Variants in ZC4H2 observed in about 807,000 individuals in gnomAD.
The protein encoded by ZC4H2 is zinc finger C4H2-type containing, also known as zinc finger C4H2 domain-containing protein.
For missense variants in ZC4H2, 137 were observed against 173.9 expected (o/e 0.79, Z 1.19); for synonymous variants, 84 against 66.3 (o/e 1.27, Z -1.30).
chrX:64,976,286 G>A, intron 1 of ZC4H2, 39 bp downstream of exon 1: 1 of 1,193,719 alleles, frequency 8.4e-7, no homozygotes. Flanking sequence ...GCAACGAAGG[G>A]TTGGAGAGGG....
chrX:64,934,330 A>T (rs1173084919), intron 1 of ZC4H2, among the ~76,000 whole-genome samples: 1 of 112,418 alleles, frequency 8.9e-6, no homozygotes, highest in African/African-American at 3.2e-5. Context: ...TTAAATTACA[A>T]ATTCAATTTC....
intron 1 of ZC4H2, among the ~76,000 whole-genome samples, chrX:64,940,642 T>C (rs1202218874): frequency 3.6e-5 from 4 of 111,702 alleles, no homozygotes; most frequent in Non-Finnish European, 5.6e-5. Context: ...CAACACTACA[T>C]ATTAAATGGG....
At chrX:64,953,266 GA>G (rs768637941) in intron 1 of ZC4H2, among the ~76,000 whole-genome samples, 3 of 111,996 alleles carry the variant, frequency 2.7e-5, no homozygotes, top group African/African-American at 9.7e-5. Context: ...CATGGGCAAG[GA>G]CTTCATGTCT....
At chrX:64,973,727 C>A (rs1191707050) in intron 1 of ZC4H2, among the ~76,000 whole-genome samples, 1 of 111,231 alleles carries the variant, frequency 9.0e-6, no homozygotes, top group Non-Finnish European at 1.9e-5. Context: ...CTTGATTACC[C>A]ATTCAATACT....
chrX:64,928,641 T>TCTTCTTCTTCTA (rs1362249064), intron 1 of ZC4H2, among the ~76,000 whole-genome samples: 39 of 79,553 alleles, frequency 4.9e-4, no homozygotes, highest in African/African-American at 1.6e-3. Context: ...TCCTTCTTCT[T>TCTTCTTCTTCTA]CTTCTTCTTC....
chrX:64,935,352 C>T, intron 1 of ZC4H2, among the ~76,000 whole-genome samples: 1 of 112,064 alleles, frequency 8.9e-6, no homozygotes, highest in Non-Finnish European at 1.9e-5. Flanking sequence ...ACCCCTATCT[C>T]CCTGGGACAG....
At chrX:64,961,847 C>G (rs1433865659) in intron 1 of ZC4H2, among the ~76,000 whole-genome samples, 1 of 111,159 alleles carries the variant, frequency 9.0e-6, no homozygotes, top group Non-Finnish European at 1.9e-5. Context: ...AGCATACAAT[C>G]TGGCAAGACT....
At chrX:64,927,298 C>T (rs1929469669) in intron 1 of ZC4H2, among the ~76,000 whole-genome samples, 1 of 109,702 alleles carries the variant, frequency 9.1e-6, no homozygotes, top group African/African-American at 3.3e-5. Flanking sequence ...CCCACCCCGA[C>T]AGGCCCCAGT....
intron 1 of ZC4H2, among the ~76,000 whole-genome samples, chrX:64,951,445 C>T (rs1019122674): frequency 1.8e-5 from 2 of 111,831 alleles, no homozygotes; most frequent in Non-Finnish European, 3.8e-5. Context: ...TATTTCTCCA[C>T]ATCCTCTCCA....
At chrX:64,960,817 T>C (rs1319328698) in intron 1 of ZC4H2, among the ~76,000 whole-genome samples, 1 of 112,134 alleles carries the variant, frequency 8.9e-6, no homozygotes, top group Non-Finnish European at 1.9e-5. Context: ...TCAGAAAAGA[T>C]ACTTGGTAGG....
In ZC4H2 at chrX:64,934,445, C is replaced by T. The variant is rs185562472; in HGVS notation, c.54-12457G>A. 2.2e-4 allele frequency among the ~76,000 whole-genome samples: 25 copies of T among 112,246 alleles called. No homozygotes were observed. The East Asian group carries it at 3.4e-3, about 15-fold the overall frequency. Reference sequence around the variant, plus strand: ...TTTCATGCAATTTGTCCAATTTACACGTACACAGTTGTTCATAGTTATTAT... The same window carrying T: ...TTTCATGCAATTTGTCCAATTTACATGTACACAGTTGTTCATAGTTATTAT... On this transcript the variant is annotated intron_variant, in intron 1 of 4. Coordinates refer to ENST00000374839, the MANE Select transcript of ZC4H2 (RefSeq NM_018684.4).
At chrX:64,951,988 G>A (rs1195611587) in intron 1 of ZC4H2, among the ~76,000 whole-genome samples, 2 of 111,370 alleles carry the variant, frequency 1.8e-5, no homozygotes, top group Admixed American at 1.9e-4. Context: ...TAAGGTATAA[G>A]GAAGGGATCC....
intron 1 of ZC4H2, among the ~76,000 whole-genome samples, chrX:64,981,988 A>G (rs750379937): frequency 1.4e-4 from 16 of 111,421 alleles, no homozygotes; most frequent in African/African-American, 5.2e-4. Context: ...CACCTACCCA[A>G]TGTCACTGAC....
At chrX:64,988,370 A>G (rs1487289627) in intron 1 of ZC4H2, among the ~76,000 whole-genome samples, 1 of 110,833 alleles carries the variant, frequency 9.0e-6, no homozygotes, top group Non-Finnish European at 1.9e-5. Flanking sequence ...AAGTGTTCCT[A>G]TTTCTCCACA....
chrX:64,964,551 GAAT>G (rs1364566946), intron 1 of ZC4H2, among the ~76,000 whole-genome samples: 1 of 111,466 alleles, frequency 9.0e-6, no homozygotes, highest in African/African-American at 3.3e-5. Context: ...TGCCAATATA[GAAT>G]TATTTACCCA....
chrX:64,937,934 A>G (rs1286816095), intron 1 of ZC4H2, among the ~76,000 whole-genome samples: 1 of 111,773 alleles, frequency 8.9e-6, no homozygotes, highest in African/African-American at 3.2e-5. Context: ...AACTAAGATC[A>G]GAACAGAACT....
chrX:65,005,285 C>T (rs1213166311), intron 1 of ZC4H2, among the ~76,000 whole-genome samples: 2 of 111,113 alleles, frequency 1.8e-5, no homozygotes, highest in African/African-American at 6.6e-5. Context: ...CAATTATAAG[C>T]AAAAAGAACA....
chrX:65,024,108 G>A (rs977648253), intron 1 of ZC4H2, among the ~76,000 whole-genome samples: 5 of 110,086 alleles, frequency 4.5e-5, no homozygotes, highest in Non-Finnish European at 7.6e-5. Flanking sequence ...GCCTATCGGC[G>A]GGTGGGGGGG....
intron 1 of ZC4H2, among the ~76,000 whole-genome samples, chrX:64,969,721 C>T (rs1348069690): frequency 1.8e-5 from 2 of 111,646 alleles, no homozygotes; most frequent in Admixed American, 1.9e-4. Context: ...ATTTAAAAGC[C>T]CTTTAGGTGT....
Sources: gnomAD v4.1 joint callset for allele counts (sites outside exome capture counted in the v4.1 genomes callset) on GRCh38, gnomAD v4.1.1 for gene constraint, MANE v1.5 for transcripts, NCBI Gene and HGNC (gene_info 2026-07-23, HGNC 2026-07-21) for gene names.